The following TOX3 variants were observed in gnomAD, a reference collection of about 807,000 sequenced individuals.
The protein encoded by TOX3 is CAG trinucleotide repeat-containing gene F9 protein.
TOX3 carries 22 observed loss-of-function variants against 64.3 expected under a neutral mutation model. The observed-to-expected ratio is 0.34, with a 90% CI of 0.24 to 0.49. The LOEUF (loss-of-function observed/expected upper bound fraction) is 0.49, where lower values mean the gene tolerates loss of function less well. TOX3 is among the 20% of genes least tolerant of loss of function. The pLI is 0.99. For missense variants in TOX3, 661 were observed against 714.4 expected, an observed-to-expected ratio of 0.93 and a Z score of 0.85; for synonymous variants, 291 against 273.6, an observed-to-expected ratio of 1.06 and a Z score of -0.63.
chr16:52,477,877 G>A (rs1311965827), intron 1 of TOX3, among the ~76,000 whole-genome samples: 1 of 152,042 alleles, frequency 6.6e-6, no homozygotes, highest in Non-Finnish European at 1.5e-5. Flanking sequence ...TTGCTCTGTT[G>A]CCCAGGATGG....
chr16:52,533,386 T>C (rs1962889412), intron 1 of TOX3, among the ~76,000 whole-genome samples: 1 of 152,230 alleles, frequency 6.6e-6, no homozygotes, highest in Non-Finnish European at 1.5e-5. Flanking sequence ...TTTAATGACA[T>C]CTTGAGAAAG....
chr16:52,512,940 C>T lies in TOX3; in HGVS notation c.87+33697G>A, dbSNP rs147532686. On this transcript the variant is annotated intron_variant, in intron 1 of 6. Coordinates refer to ENST00000219746, the MANE Select transcript of TOX3 (RefSeq NM_001080430.4). ...ACGGTGTGAGTAACGTAAGCGAAAACAATAAATAATACCTTTCTTCACATC... is the reference window on the plus strand; with the variant it reads ...ACGGTGTGAGTAACGTAAGCGAAAATAATAAATAATACCTTTCTTCACATC... Among the ~76,000 whole-genome samples, 206 of 152,274 alleles carry T rather than the reference C, an allele frequency of 1.4e-3. 2 individuals carry two copies. Among genetic ancestry groups the T allele is most frequent in the Non-Finnish European group, 6.0e-4 (41 of 68,012 alleles).
intron 3 of TOX3, among the ~76,000 whole-genome samples, chr16:52,461,893 C>T (rs956247586): frequency 2.0e-5 from 3 of 152,042 alleles, no homozygotes; most frequent in Non-Finnish European, 2.9e-5. Flanking sequence ...ATGCCTCTGG[C>T]GATTCTGAAT....
intron 1 of TOX3, among the ~76,000 whole-genome samples, chr16:52,490,033 C>T (rs576704281): frequency 6.6e-6 from 1 of 152,322 alleles, no homozygotes; most frequent in African/African-American, 2.4e-5. Context: ...GCCCAAATCT[C>T]ACGTTGAATT....
At chr16:52,484,662 G>A (rs1297780408) in intron 1 of TOX3, among the ~76,000 whole-genome samples, 1 of 152,018 alleles carries the variant, frequency 6.6e-6, no homozygotes, top group Non-Finnish European at 1.5e-5. Context: ...AAAAATCTAT[G>A]CCTTCATGGA....
chr16:52,541,696 C>T (rs1426052098), intron 1 of TOX3, among the ~76,000 whole-genome samples: 1 of 152,180 alleles, frequency 6.6e-6, no homozygotes, highest in African/African-American at 2.4e-5. Flanking sequence ...ACTGTGACCA[C>T]CTACATGCAT....
intron 3 of TOX3, among the ~76,000 whole-genome samples, chr16:52,460,955 C>T (rs1300305220): frequency 6.6e-6 from 1 of 152,146 alleles, no homozygotes; most frequent in Non-Finnish European, 1.5e-5. Flanking sequence ...GTATTGCATG[C>T]TTGCATGAAT....
At chr16:52,530,599 C>T (rs562538987) in intron 1 of TOX3, among the ~76,000 whole-genome samples, 14 of 152,110 alleles carry the variant, frequency 9.2e-5, no homozygotes, top group East Asian at 3.9e-4. Flanking sequence ...TGCCCTGCCT[C>T]GGCCTCCCAA....
chr16:52,511,033 C>T (rs1962295054), intron 1 of TOX3, among the ~76,000 whole-genome samples: 2 of 152,062 alleles, frequency 1.3e-5, no homozygotes, highest in African/African-American at 4.8e-5. Flanking sequence ...AACAACAGTG[C>T]TTTCAAGAAT....
chr16:52,491,047 G>T (rs1961670240), intron 1 of TOX3, among the ~76,000 whole-genome samples: 1 of 152,124 alleles, frequency 6.6e-6, no homozygotes, highest in Non-Finnish European at 1.5e-5. Flanking sequence ...CACTGTCAGG[G>T]TTAAAATACT....
At chr16:52,545,691 G>GT (rs1245455428) in intron 1 of TOX3, among the ~76,000 whole-genome samples, 1 of 152,182 alleles carries the variant, frequency 6.6e-6, no homozygotes, top group Non-Finnish European at 1.5e-5. Context: ...GAGCCCGGCT[G>GT]TTTCTCTGAA....
At chr16:52,498,108 G>A (rs776679209) in intron 1 of TOX3, among the ~76,000 whole-genome samples, 5 of 152,006 alleles carry the variant, frequency 3.3e-5, no homozygotes, top group African/African-American at 7.2e-5. Flanking sequence ...TTTCTACCCC[G>A]CCAGCTGCTC....
intron 1 of TOX3, among the ~76,000 whole-genome samples, chr16:52,486,023 T>C (rs1961521156): frequency 6.6e-6 from 1 of 152,114 alleles, no homozygotes; most frequent in East Asian, 1.9e-4. Flanking sequence ...TTAAACATTG[T>C]TGGGGTTGAG....
At position 52,529,448 on chromosome 16, in the gene TOX3, G is replaced by T. The variant is rs551685709; in HGVS notation, c.87+17189C>A. Among the ~76,000 whole-genome samples the T allele has an allele frequency of 1.4e-4, 21 of 152,250 alleles. 1 individual carries two copies. In the South Asian group the frequency reaches 4.4e-3, roughly 32 times the overall value. The stretch of plus-strand genomic sequence containing the variant: ...AAACATAGTCATTGTACTTATAAGT[G>T]CTTTAAGTATTTATTCATAGCCTGC... On this transcript the variant is annotated intron_variant, in intron 1 of 6. Coordinates refer to ENST00000219746, the MANE Select transcript of TOX3 (RefSeq NM_001080430.4).
Position 52,470,448 on chromosome 16 carries a change from A to G in TOX3, c.88-1874T>C, listed in dbSNP as rs71388272. ...TCATTATCACAGAGTATTTTTTTTA[A>G]GATTAAACTTACTTATTATCTAATA... On this transcript the variant is annotated intron_variant, in intron 1 of 6. Coordinates refer to ENST00000219746, the MANE Select transcript of TOX3 (RefSeq NM_001080430.4). Among the ~76,000 whole-genome samples, 1,055 of 152,336 alleles carry G rather than the reference A, an allele frequency of 6.9e-3. 5 individuals carry two copies. The highest frequency in any genetic ancestry group is 0.014 in the South Asian group (66 of 4,828).
In TOX3 at chr16:52,468,498, CA is replaced by C; in HGVS notation, c.153+10del. ...AAAAACAGGAACAAACACATTAAGA[CA>C]GTCACCTACCTCACTGGCAGCGAAG... On this transcript the variant is annotated intron_variant, in intron 2 of 6. Coordinates refer to ENST00000219746, the MANE Select transcript of TOX3 (RefSeq NM_001080430.4). The C allele has an allele frequency of 7.4e-6, 12 of 1,611,286 alleles. No individual in the cohort carries two copies. Among genetic ancestry groups the C allele is most frequent in the Non-Finnish European group, 1.0e-5 (12 of 1,178,020 alleles).
At chr16:52,473,184 G>T (rs1961099564) in intron 1 of TOX3, among the ~76,000 whole-genome samples, 1 of 152,064 alleles carries the variant, frequency 6.6e-6, no homozygotes, top group Non-Finnish European at 1.5e-5. Flanking sequence ...GAAGAAAGTG[G>T]AACAGCCCAG....
At chr16:52,498,814 G>A (rs1332999062) in intron 1 of TOX3, among the ~76,000 whole-genome samples, 1 of 152,168 alleles carries the variant, frequency 6.6e-6, no homozygotes, top group Non-Finnish European at 1.5e-5. Context: ...GAAGGCCTCC[G>A]AGTGTGCGAA....
chr16:52,451,255 A>C (rs899717505), intron 3 of TOX3, among the ~76,000 whole-genome samples: 6 of 152,044 alleles, frequency 3.9e-5, no homozygotes, highest in African/African-American at 1.4e-4. Context: ...TTTTCACTTA[A>C]ACTTACTTTG....
Sources: gnomAD v4.1 joint callset for allele counts (sites outside exome capture counted in the v4.1 genomes callset) on GRCh38, gnomAD v4.1.1 for gene constraint, MANE v1.5 for transcripts, NCBI Gene and HGNC (gene_info 2026-07-23, HGNC 2026-07-21) for gene names.